The following FAF1 variants were observed in gnomAD, a reference collection of about 807,000 sequenced individuals.
The protein encoded by FAF1 is Fas associated factor 1.
A neutral mutation model predicts 92.5 loss-of-function variants in FAF1; 25 were observed. The ratio of observed to expected loss-of-function variants is 0.27; its 90% confidence interval spans 0.20 to 0.38. The LOEUF (loss-of-function observed/expected upper bound fraction) is 0.38, where lower values mean the gene tolerates loss of function less well. Among genes scored for constraint, FAF1 ranks in the 10% least tolerant of loss-of-function variants. The pLI, the probability that FAF1 is intolerant of heterozygous loss-of-function variation, is 1.00. For synonymous variants in FAF1, 234 were observed against 273.2 expected (o/e 0.86, Z 1.42); for missense variants, 636 against 793.3 (o/e 0.80, Z 2.38).
intron 18 of FAF1, chr1:50,451,854 T>A: frequency 9.8e-7 from 1 of 1,016,680 alleles, no homozygotes; most frequent in South Asian, 3.9e-5. Flanking sequence ...TGCCTTTAGA[T>A]GGACTGTTTA....
chr1:50,526,993 T>C (rs979556787), intron 15 of FAF1, among the ~76,000 whole-genome samples: 23 of 152,214 alleles, frequency 1.5e-4, no homozygotes, highest in African/African-American at 5.3e-4. Flanking sequence ...TAGCTGGGAC[T>C]ACATGTGCGT....
At position 50,890,956 on chromosome 1, in the gene FAF1, T is replaced by C. The variant is rs533827073; in HGVS notation, c.46-32959A>G. 3.3e-3 allele frequency among the ~76,000 whole-genome samples: 496 copies of C among 152,348 alleles called. 2 individuals are homozygous for C. Among genetic ancestry groups the C allele is most frequent in the Non-Finnish European group, 4.8e-3 (324 of 68,026 alleles). On this transcript the variant is annotated intron_variant, in intron 1 of 18. Transcript: ENST00000396153. ...CCTGGATAATATCCTGCAGAGTGTTTTCCAACTTGGTTCCATTCTCCCCGT... is the reference window on the plus strand; with the variant it reads ...CCTGGATAATATCCTGCAGAGTGTTCTCCAACTTGGTTCCATTCTCCCCGT...
At chr1:50,941,348 T>C (rs1645131239) in intron 1 of FAF1, among the ~76,000 whole-genome samples, 1 of 152,164 alleles carries the variant, frequency 6.6e-6, no homozygotes, top group Non-Finnish European at 1.5e-5. Flanking sequence ...TAGCTGAGAC[T>C]ACAGGTGCCA....
intron 2 of FAF1, among the ~76,000 whole-genome samples, chr1:50,855,589 C>A (rs1268196880): frequency 6.6e-6 from 1 of 151,810 alleles, no homozygotes. Context: ...TAGAGGACAT[C>A]ACATAAAGTT....
At chr1:50,836,980 T>C (rs1205138647) in intron 2 of FAF1, among the ~76,000 whole-genome samples, 1 of 123,826 alleles carries the variant, frequency 8.1e-6, no homozygotes, top group Non-Finnish European at 1.6e-5. Flanking sequence ...TTTTTTGAGA[T>C]GGAGTCTTGC....
chr1:50,810,182 G>A (rs992719445), intron 2 of FAF1, among the ~76,000 whole-genome samples: 1 of 152,144 alleles, frequency 6.6e-6, no homozygotes, highest in East Asian at 1.9e-4. Flanking sequence ...TTGAACCTGG[G>A]AGACAGAGGT....
At chr1:50,669,654 T>C (rs1443843753) in intron 7 of FAF1, among the ~76,000 whole-genome samples, 1 of 152,218 alleles carries the variant, frequency 6.6e-6, no homozygotes, top group Non-Finnish European at 1.5e-5. Context: ...ACAAAAACTG[T>C]AATGACAATG....
intron 1 of FAF1, among the ~76,000 whole-genome samples, chr1:50,911,317 C>A (rs111544782): frequency 0.019 from 2,883 of 151,282 alleles, 90 homozygotes; most frequent in African/African-American, 0.067. Context: ...AGTGATCTGC[C>A]TGCCTCGGCC....
At chr1:50,752,001 A>G (rs1257189240) in intron 4 of FAF1, among the ~76,000 whole-genome samples, 1 of 151,946 alleles carries the variant, frequency 6.6e-6, no homozygotes, top group Non-Finnish European at 1.5e-5. Context: ...ACACAGTCTC[A>G]CTCTATTGCC....
At chr1:50,624,454 A>C (rs528524855) in intron 8 of FAF1, among the ~76,000 whole-genome samples, 45 of 152,086 alleles carry the variant, frequency 3.0e-4, no homozygotes, top group African/African-American at 1.0e-3. Context: ...GCCAACTTTC[A>C]AACTTTCTAG....
At chr1:50,937,391 T>C (rs1164334550) in intron 1 of FAF1, among the ~76,000 whole-genome samples, 1 of 152,048 alleles carries the variant, frequency 6.6e-6, no homozygotes, top group Non-Finnish European at 1.5e-5. Context: ...GCTAACATAG[T>C]TGCCTTCATA....
At chr1:50,641,297 T>C (rs908417625) in intron 8 of FAF1, among the ~76,000 whole-genome samples, 5 of 152,052 alleles carry the variant, frequency 3.3e-5, no homozygotes, top group African/African-American at 1.2e-4. Context: ...TCATTGACAT[T>C]GGACCGCCTT....
At chr1:50,677,066 T>C (rs1479327408) in intron 7 of FAF1, among the ~76,000 whole-genome samples, 1 of 152,192 alleles carries the variant, frequency 6.6e-6, no homozygotes, top group Non-Finnish European at 1.5e-5. Flanking sequence ...TTAGTCACTT[T>C]ATAATTGAAT....
At chr1:50,724,300 C>CACACACACACATAT (rs1158378463) in intron 6 of FAF1, among the ~76,000 whole-genome samples, 58 of 131,590 alleles carry the variant, frequency 4.4e-4, no homozygotes, top group Middle Eastern at 3.8e-3. Context: ...CACACATACA[C>CACACACACACATAT]ACACACACAC....
intron 1 of FAF1, among the ~76,000 whole-genome samples, chr1:50,958,677 C>CAA (rs1298331887): frequency 3.6e-5 from 3 of 83,440 alleles, no homozygotes; most frequent in African/African-American, 1.2e-4. Flanking sequence ...GACTCCGTCT[C>CAA]AAAAAAAAAA....
At chr1:50,749,788 CAG>C (rs932195660) in intron 4 of FAF1, among the ~76,000 whole-genome samples, 2 of 146,600 alleles carry the variant, frequency 1.4e-5, no homozygotes, top group East Asian at 4.0e-4. Context: ...GAACCTGTCT[CAG>C]AGAAAAAAAA....
At chr1:50,659,562 A>G in intron 7 of FAF1, among the ~76,000 whole-genome samples, 1 of 151,874 alleles carries the variant, frequency 6.6e-6, no homozygotes, top group East Asian at 1.9e-4. Flanking sequence ...ACAGGGTAAC[A>G]TTTCCTAAGG....
intron 7 of FAF1, among the ~76,000 whole-genome samples, chr1:50,663,896 A>G (rs1192833429): frequency 6.6e-6 from 1 of 151,618 alleles, no homozygotes; most frequent in Non-Finnish European, 1.5e-5. Flanking sequence ...ATGTGATTTT[A>G]TTAGCCTAAG....
intron 8 of FAF1, among the ~76,000 whole-genome samples, chr1:50,643,368 AC>A (rs1277286880): frequency 6.6e-6 from 1 of 151,458 alleles, no homozygotes; most frequent in Non-Finnish European, 1.5e-5. Context: ...TAAACATTTT[AC>A]TTCTACATGT....
Sources: allele counts gnomAD v4.1 joint callset (sites outside exome capture counted in the v4.1 genomes callset), GRCh38; gene constraint gnomAD v4.1.1; transcripts MANE v1.5; gene names NCBI Gene and HGNC (gene_info 2026-07-23, HGNC 2026-07-21).